FLVCR2: variants seen among roughly 807,000 people sequenced by gnomAD.
The protein encoded by FLVCR2 is FLVCR choline and putative heme transporter 2, also known as choline/ethanolamine transporter FLVCR2.
FLVCR2 carries 38 observed loss-of-function variants against 48.9 expected under a neutral mutation model. The observed-to-expected ratio is 0.78, with a 90% CI of 0.60 to 1.02. FLVCR2 has a LOEUF of 1.02. FLVCR2 is among the 50% of genes least tolerant of loss of function. The pLI, the probability that FLVCR2 is intolerant of heterozygous loss-of-function variation, is 0.00. For missense variants in FLVCR2, 664 were observed against 663.3 expected (o/e 1.00, Z -0.01); for synonymous variants, 255 against 257.0 (o/e 0.99, Z 0.07).
chr14:75,579,603 G>T lies in FLVCR2; in HGVS notation c.631G>T (p.Val211Phe). 6.2e-7 allele frequency: 1 copy of T among 1,614,104 alleles called. No individual in the cohort carries two copies. The highest frequency in any genetic ancestry group is 1.3e-5 in the African/African-American group (1 of 75,040). The change falls in exon 1 of 10, where the codon GTT (valine) becomes TTT (phenylalanine). Residue 211 changes from valine to phenylalanine, a missense_variant. By Grantham distance (50) the Val-to-Phe change is conservative. Coordinates refer to ENST00000238667, the MANE Select transcript of FLVCR2 (RefSeq NM_017791.3). The part of the protein sequence containing the change: ...IASVWFGANE[V>F]STACSVAVFG... ...TTCCGTCTGGTTCGGGGCTAATGAG[G>T]TTTCAACAGCCTGCTCCGTGGCTGT...
intron 1 of FLVCR2, among the ~76,000 whole-genome samples, chr14:75,585,887 G>T (rs1888734709): frequency 6.6e-6 from 1 of 152,210 alleles, no homozygotes; most frequent in South Asian, 2.1e-4. Flanking sequence ...AGATTGAAGG[G>T]TAGCAAGAGA....
chr14:75,623,883 T>C (rs921461749), intron 2 of FLVCR2, among the ~76,000 whole-genome samples: 12 of 152,038 alleles, frequency 7.9e-5, no homozygotes, highest in Non-Finnish European at 1.6e-4. Context: ...AAACCTCGTC[T>C]CTACTAAAAA....
chr14:75,578,982 G>C lies in FLVCR2; in HGVS notation c.10G>C (p.Glu4Gln), dbSNP rs1189605736. 4.3e-6 allele frequency: 7 copies of C among 1,614,036 alleles called. No individual in the cohort carries two copies. The highest frequency in any genetic ancestry group is 1.3e-5 in the African/African-American group (1 of 74,918). ...AGAGGAGACTGTGGCGATGGTGAAT[G>C]AAGGTCCCAACCAGGAAGAGAGCGA... MVNEGPNQEESDDT... is the reference protein window; with the variant it reads MVNQGPNQEESDDT... Residue 4 changes from glutamate (E) to glutamine (Q), a missense_variant, in exon 1 of 10, where the codon GAA becomes CAA. Coordinates refer to ENST00000238667, the MANE Select transcript of FLVCR2 (RefSeq NM_017791.3).
In FLVCR2 at chr14:75,591,429, G is replaced by A. The variant is rs886519097; in HGVS notation, c.669+11788G>A. Among the ~76,000 whole-genome samples, 5 of 152,342 alleles carry A rather than the reference G, an allele frequency of 3.3e-5. No homozygotes were observed. The South Asian group carries it at 8.3e-4, about 25-fold the overall frequency. On this transcript the variant is annotated intron_variant, in intron 1 of 9. Transcript: ENST00000238667. ...CTGGGCACACTAGTGCCAGGAGGGG[G>A]TTCCCAATGCCTCAGGCAGCCCTTT...
At chr14:75,642,131 T>C (rs754289441) in intron 9 of FLVCR2, among the ~76,000 whole-genome samples, 3 of 152,242 alleles carry the variant, frequency 2.0e-5, no homozygotes, top group Non-Finnish European at 4.4e-5. Context: ...TCCTGCCCTC[T>C]TTCTGGAGCC....
intron 5 of FLVCR2, among the ~76,000 whole-genome samples, chr14:75,635,701 C>CA (rs1161732147): frequency 5.3e-5 from 8 of 151,972 alleles, no homozygotes; most frequent in Non-Finnish European, 1.0e-4. Context: ...CCCATCTCTA[C>CA]AAAAAATACA....
intron 3 of FLVCR2, among the ~76,000 whole-genome samples, chr14:75,627,898 G>A (rs146341724): frequency 5.3e-5 from 8 of 152,198 alleles, no homozygotes; most frequent in East Asian, 1.9e-4. Context: ...AATTTTTGAC[G>A]GAGGAATCAT....
chr14:75,601,265 C>T (rs935486292), intron 1 of FLVCR2, among the ~76,000 whole-genome samples: 2 of 152,248 alleles, frequency 1.3e-5, no homozygotes, highest in African/African-American at 2.4e-5. Context: ...AGCGGTTTTC[C>T]GCCTTGGGCG....
intron 3 of FLVCR2, among the ~76,000 whole-genome samples, chr14:75,630,457 T>C (rs1290806838): frequency 4.6e-5 from 7 of 152,214 alleles, no homozygotes; most frequent in Non-Finnish European, 4.4e-5. Flanking sequence ...CTGGGCCCCA[T>C]TCCAAGAGAT....
At chr14:75,624,413 A>C (rs940101767) in intron 2 of FLVCR2, among the ~76,000 whole-genome samples, 199 bp from the exon 3 acceptor site, 12 of 149,812 alleles carry the variant, frequency 8.0e-5, no homozygotes, top group African/African-American at 3.0e-4. Context: ...GAATGGTATC[A>C]AAGGACCATT....
At chr14:75,608,952 C>T (rs1431193279) in intron 1 of FLVCR2, among the ~76,000 whole-genome samples, 1 of 152,162 alleles carries the variant, frequency 6.6e-6, no homozygotes, top group Non-Finnish European at 1.5e-5. Context: ...TCCTTGAATC[C>T]TGCTTGTCCT....
chr14:75,629,048 C>T (rs1275271068), intron 3 of FLVCR2, among the ~76,000 whole-genome samples: 1 of 152,084 alleles, frequency 6.6e-6, no homozygotes, highest in Non-Finnish European at 1.5e-5. Flanking sequence ...AAGTGGTTCT[C>T]CCAGCTGATG....
At chr14:75,642,346 T>G (rs906367781) in intron 9 of FLVCR2, among the ~76,000 whole-genome samples, 2 of 152,140 alleles carry the variant, frequency 1.3e-5, no homozygotes, top group Non-Finnish European at 1.5e-5. Context: ...ATGTGACAAC[T>G]CCTTAGGCAG....
At chr14:75,635,156 T>C (rs1890135992) in intron 5 of FLVCR2, 143 bp downstream of exon 5, 3 of 700,060 alleles carry the variant, frequency 4.3e-6, no homozygotes, top group Non-Finnish European at 7.8e-6. Flanking sequence ...TGAGCCTCAC[T>C]TTCCTCATTT....
chr14:75,639,313 CA>C (rs1890245908), intron 5 of FLVCR2, 38 bp from the exon 6 acceptor site: 1 of 1,284,126 alleles, frequency 7.8e-7, no homozygotes, highest in Non-Finnish European at 1.1e-6. Flanking sequence ...CTATTAAAGT[CA>C]GAAGTGTTTG....
At chr14:75,629,694 A>G (rs1889992738) in intron 3 of FLVCR2, among the ~76,000 whole-genome samples, 1 of 152,260 alleles carries the variant, frequency 6.6e-6, no homozygotes, top group Non-Finnish European at 1.5e-5. Context: ...TATCAATGGC[A>G]TAACAACTGC....
At chr14:75,624,521 A>G in intron 2 of FLVCR2, 91 bp from the exon 3 acceptor site, 2 of 1,439,390 alleles carry the variant, frequency 1.4e-6, no homozygotes, top group Non-Finnish European at 2.0e-6. Context: ...AGCTCCTCTC[A>G]GATGATGGAG....
At chr14:75,627,892 T>G (rs1421644485) in intron 3 of FLVCR2, among the ~76,000 whole-genome samples, 2 of 152,214 alleles carry the variant, frequency 1.3e-5, no homozygotes, top group African/African-American at 2.4e-5. Flanking sequence ...TGAAAAAATT[T>G]TTGACGGAGG....
chr14:75,579,186 C>T lies in FLVCR2; in HGVS notation c.214C>T (p.Pro72Ser). The stretch of plus-strand genomic sequence containing the variant: ...CTTGGCTCACCCCAGTAGCTCGGGC[C>T]CTGAGGACCTCAGCGTGATCAAGGT... ...SGLAHPSSSG[P>S]EDLSVIKVSR... The change falls in exon 1 of 10, where the codon CCT becomes TCT. Residue 72 changes from proline to serine, a missense_variant. Pro to Ser is a moderately conservative substitution (Grantham distance 74, BLOSUM62 -1). Coordinates refer to ENST00000238667, the MANE Select transcript of FLVCR2 (RefSeq NM_017791.3). The T allele has an allele frequency of 1.2e-6, 2 of 1,614,180 alleles. No homozygotes were observed.
Sources: allele counts gnomAD v4.1 joint callset (sites outside exome capture counted in the v4.1 genomes callset), GRCh38; gene constraint gnomAD v4.1.1; transcripts MANE v1.5; gene names NCBI Gene and HGNC (gene_info 2026-07-23, HGNC 2026-07-21).